Variants in WWTR1 observed in about 807,000 individuals in gnomAD.
WWTR1 encodes the protein WW domain containing transcription regulator 1, also known as WW domain-containing transcription regulator protein 1.
In WWTR1, 13 loss-of-function variants were observed where a neutral mutation model predicts 40.1. The ratio of observed to expected loss-of-function variants is 0.32; its 90% CI spans 0.21 to 0.52. The LOEUF is 0.52. Among genes scored for constraint, WWTR1 ranks in the 20% least tolerant of loss-of-function variants. WWTR1 has a pLI of 0.97. For synonymous variants in WWTR1, 230 were observed against 210.1 expected (o/e 1.09, Z -0.82); for missense variants, 436 against 523.1 (o/e 0.83, Z 1.63).
At chr3:149,542,281 C>A in intron 4 of WWTR1, 54 bp downstream of exon 4, 1 of 1,573,136 alleles carries the variant, frequency 6.4e-7, no homozygotes, top group East Asian at 2.3e-5. Context: ...ACCTACCCAT[C>A]AGCTTTGGCA....
intron 2 of WWTR1, among the ~76,000 whole-genome samples, chr3:149,613,775 G>A (rs1236180506): frequency 6.6e-6 from 1 of 152,082 alleles, no homozygotes; most frequent in Non-Finnish European, 1.5e-5. Context: ...CGAAATCTTG[G>A]ACTCAAGCGA....
chr3:149,575,099 A>ACCC lies in WWTR1; in HGVS notation c.432-2100_432-2099insGGG, dbSNP rs1560067788. On this transcript the variant is annotated intron_variant, in intron 2 of 6. Coordinates refer to ENST00000360632, the MANE Select transcript of WWTR1 (RefSeq NM_015472.6). The stretch of plus-strand genomic sequence containing the variant: ...GCAGAGTGAGACTCCATCCCCCCCA[A>ACCC]AAAAAAAAGATGGGGAAATACTGAA... 4.8e-4 allele frequency among the ~76,000 whole-genome samples: 72 copies of ACCC among 151,284 alleles called. No individual in the cohort carries two copies. The East Asian group carries it at 5.1e-3, about 11-fold the overall frequency.
chr3:149,603,854 CAAA>C lies in WWTR1; in HGVS notation c.432-30857_432-30855del, dbSNP rs370980729. On this transcript the variant is annotated intron_variant, in intron 2 of 6. Transcript: ENST00000360632. ...TACTGGTGCTACATAAGCGGCATAC[CAAA>C]AAAAAAAAAAAAAAAAAGCATGTGA... Among the ~76,000 whole-genome samples the C allele has an allele frequency of 7.4e-3, 620 of 83,256 alleles. 3 individuals are homozygous for C. The highest frequency in any genetic ancestry group is 0.028 in the African/African-American group (595 of 21,252). The allele number at this position is 83,256 out of a possible 152,430, so 54.6% of individuals were successfully genotyped here. A position where few individuals can be genotyped will look rare whatever the true frequency, so the allele number is the denominator to read the frequency against.
At chr3:149,675,941 G>A (rs149675191) in intron 1 of WWTR1, among the ~76,000 whole-genome samples, 1,700 of 152,130 alleles carry the variant, frequency 0.011, 32 homozygotes, top group African/African-American at 0.039. Context: ...TCCTGACCTC[G>A]TGATCGGCCC....
At chr3:149,540,079 T>TACAC (rs202144589) in intron 4 of WWTR1, 7,532 of 271,586 alleles carry the variant, frequency 0.028, 118 homozygotes, top group African/African-American at 0.05. Flanking sequence ...TCCTCCTAAC[T>TACAC]ACACACACAC....
chr3:149,681,510 C>A (rs1434371376), intron 1 of WWTR1, among the ~76,000 whole-genome samples: 2 of 152,096 alleles, frequency 1.3e-5, no homozygotes, highest in Non-Finnish European at 2.9e-5. Flanking sequence ...AATCCTTAGT[C>A]CATTTTAAAA....
At chr3:149,630,407 C>T (rs568447973) in intron 2 of WWTR1, among the ~76,000 whole-genome samples, 9 of 152,272 alleles carry the variant, frequency 5.9e-5, no homozygotes, top group African/African-American at 1.2e-4. Context: ...CAACTTCTCT[C>T]GGACCAGTAG....
chr3:149,687,160 C>T (rs1714681189), intron 1 of WWTR1, among the ~76,000 whole-genome samples: 1 of 152,134 alleles, frequency 6.6e-6, no homozygotes, highest in South Asian at 2.1e-4. Flanking sequence ...TACCTTTTAC[C>T]TACTGCAATT....
At chr3:149,646,756 C>T (rs1200564407) in intron 2 of WWTR1, among the ~76,000 whole-genome samples, 2 of 152,206 alleles carry the variant, frequency 1.3e-5, no homozygotes, top group Admixed American at 6.5e-5. Flanking sequence ...AACCGGAGAG[C>T]TGTTCTTTGG....
chr3:149,543,117 T>C (rs1477849412), intron 3 of WWTR1, among the ~76,000 whole-genome samples: 4 of 152,186 alleles, frequency 2.6e-5, no homozygotes, highest in African/African-American at 7.2e-5. Flanking sequence ...GGAACAAATA[T>C]CTGACTGAGA....
intron 2 of WWTR1, among the ~76,000 whole-genome samples, chr3:149,668,026 A>G (rs1355342131): frequency 6.6e-6 from 1 of 152,238 alleles, no homozygotes; most frequent in Middle Eastern, 3.2e-3. Flanking sequence ...TATCCCTCGT[A>G]TAGATTGTAC....
intron 2 of WWTR1, among the ~76,000 whole-genome samples, chr3:149,580,575 G>C (rs139375899): frequency 6.6e-6 from 1 of 152,162 alleles, no homozygotes; most frequent in East Asian, 1.9e-4. Flanking sequence ...CTAGCAACCC[G>C]ACCTGATCAT....
At chr3:149,524,931 G>A (rs1299079186) in intron 6 of WWTR1, among the ~76,000 whole-genome samples, 1 of 152,204 alleles carries the variant, frequency 6.6e-6, no homozygotes, top group Non-Finnish European at 1.5e-5. Flanking sequence ...CACCCTGGCT[G>A]TCATTTATTT....
At chr3:149,691,645 G>A (rs1038106940) in intron 1 of WWTR1, among the ~76,000 whole-genome samples, 3 of 151,874 alleles carry the variant, frequency 2.0e-5, no homozygotes, top group African/African-American at 7.3e-5. Context: ...AAAACAATGA[G>A]ATCAAAGCTA....
chr3:149,667,852 A>G (rs1283714987), intron 2 of WWTR1, among the ~76,000 whole-genome samples: 2 of 152,244 alleles, frequency 1.3e-5, no homozygotes, highest in African/African-American at 4.8e-5. Flanking sequence ...CCTACCTGCC[A>G]TCTGTTTCAC....
intron 2 of WWTR1, among the ~76,000 whole-genome samples, chr3:149,606,274 A>G (rs1026799358): frequency 3.3e-5 from 5 of 152,216 alleles, no homozygotes; most frequent in African/African-American, 1.2e-4. Flanking sequence ...TTTCATGCAT[A>G]TGTATTTTCC....
intron 2 of WWTR1, among the ~76,000 whole-genome samples, chr3:149,644,628 T>G (rs1376698035): frequency 6.6e-6 from 1 of 152,170 alleles, no homozygotes; most frequent in Non-Finnish European, 1.5e-5. Flanking sequence ...GGTCCTGAGG[T>G]TATGTGAGGC....
intron 2 of WWTR1, among the ~76,000 whole-genome samples, chr3:149,590,492 A>C (rs913341668): frequency 1.3e-5 from 2 of 152,164 alleles, no homozygotes; most frequent in South Asian, 4.1e-4. Context: ...TCTACTAAAA[A>C]TACAAAAATT....
intron 2 of WWTR1, among the ~76,000 whole-genome samples, chr3:149,597,800 C>CACAACCTTGGACACAA (rs1560077907): frequency 6.6e-6 from 1 of 152,152 alleles, no homozygotes; most frequent in Non-Finnish European, 1.5e-5. Flanking sequence ...CACTTTACTT[C>CACAACCTTGGACACAA]GTGCCACTGA....
Sources: gnomAD v4.1 joint callset for allele counts (sites outside exome capture counted in the v4.1 genomes callset) on GRCh38, gnomAD v4.1.1 for gene constraint, MANE v1.5 for transcripts, NCBI Gene and HGNC (gene_info 2026-07-23, HGNC 2026-07-21) for gene names.